PEX7: variants seen among roughly 807,000 people sequenced by gnomAD.
PEX7 encodes the protein peroxisomal biogenesis factor 7, also known as PTS2 receptor.
Under a neutral mutation model 47.5 loss-of-function variants are expected in PEX7, and 34 were observed. That is an observed-to-expected ratio of 0.72 (90% confidence interval 0.54 to 0.95). The LOEUF is 0.95. Ranked by LOEUF, PEX7 falls within the 40% of genes least tolerant of loss-of-function variation. The pLI, the probability that PEX7 is intolerant of heterozygous loss-of-function variation, is 0.00. For synonymous variants in PEX7, 141 were observed against 148.8 expected, an observed-to-expected ratio of 0.95 and a Z score of 0.38; for missense variants, 394 against 400.3, an observed-to-expected ratio of 0.98 and a Z score of 0.13.
intron 3 of PEX7, among the ~76,000 whole-genome samples, chr6:136,845,347 A>G (rs543022238): frequency 2.6e-5 from 4 of 152,346 alleles, no homozygotes; most frequent in East Asian, 1.9e-4. Flanking sequence ...TAAAATATGT[A>G]TAATTTGTTT....
intron 8 of PEX7, among the ~76,000 whole-genome samples, chr6:136,893,833 A>G (rs570625189): frequency 1.3e-5 from 2 of 152,396 alleles, no homozygotes; most frequent in South Asian, 4.1e-4. Flanking sequence ...AAGACTTACA[A>G]GTAATTCATG....
chr6:136,849,740 G>T (rs549750947), intron 5 of PEX7, among the ~76,000 whole-genome samples: 5 of 151,966 alleles, frequency 3.3e-5, no homozygotes, highest in Non-Finnish European at 5.9e-5. Flanking sequence ...ATTTCTGTTC[G>T]TTTACATTTG....
rs147626039 is a variant in PEX7 at position 136,876,667 on chromosome 6, C to T, written c.803+4414C>T. ...TCCCTGCCCCTGCAAAGGACATGAA[C>T]TCATCATTTTTTATGGCTGTATAGT... is the stretch of plus-strand genomic sequence containing the variant. On this transcript the variant is annotated intron_variant, in intron 8 of 9. Coordinates refer to ENST00000318471, the MANE Select transcript of PEX7 (RefSeq NM_000288.4). Among the ~76,000 whole-genome samples, 3 of 152,358 alleles carry T rather than the reference C, an allele frequency of 2.0e-5. No homozygotes were observed. The East Asian group carries it at 5.8e-4, about 29-fold the overall frequency.
intron 9 of PEX7, among the ~76,000 whole-genome samples, chr6:136,909,685 A>T (rs1456766555): frequency 6.6e-6 from 1 of 152,234 alleles, no homozygotes; most frequent in Non-Finnish European, 1.5e-5. Context: ...TACTATTTTC[A>T]TCAATTTGAA....
At chr6:136,837,092 C>T (rs185100017) in intron 3 of PEX7, among the ~76,000 whole-genome samples, 5 of 151,504 alleles carry the variant, frequency 3.3e-5, no homozygotes, top group South Asian at 2.1e-4. Flanking sequence ...GTTTTAGCCG[C>T]GCTTACGCCT....
intron 3 of PEX7, among the ~76,000 whole-genome samples, chr6:136,833,213 C>A (rs1226318240): frequency 6.6e-6 from 1 of 152,120 alleles, no homozygotes; most frequent in East Asian, 1.9e-4. Context: ...CAGACACCTT[C>A]TTCAGAAGGT....
chr6:136,847,857 A>C (rs562267709), intron 5 of PEX7, among the ~76,000 whole-genome samples: 2 of 152,298 alleles, frequency 1.3e-5, no homozygotes, highest in South Asian at 4.1e-4. Flanking sequence ...GGAACTTTAA[A>C]ATAGTTTTTT....
rs1775685342 is a variant in PEX7 at position 136,898,170 on chromosome 6, C to T, written c.832C>T (p.Leu278Phe). Residue 278 changes from leucine to phenylalanine, a missense_variant, in exon 9 of 10, where the codon CTT (leucine) becomes TTT (phenylalanine). Leu to Phe is a conservative substitution (Grantham distance 22). Coordinates refer to ENST00000318471, the MANE Select transcript of PEX7 (RefSeq NM_000288.4). Reference protein sequence around the residue: ...RFWNFSKPDSLLETVEHHTEF... With the variant: ...RFWNFSKPDSFLETVEHHTEF... Reference sequence around the variant, plus strand: ...CTGGAACTTTTCAAAGCCTGACTCTCTTCTTGAAACAGTGGAGCATCATAC... The same window carrying T: ...CTGGAACTTTTCAAAGCCTGACTCTTTTCTTGAAACAGTGGAGCATCATAC... 4 of 1,611,652 alleles carry T rather than the reference C, an allele frequency of 2.5e-6. No individual in the cohort carries two copies. The African/African-American group carries it at 5.3e-5, about 21-fold the overall frequency.
intron 5 of PEX7, among the ~76,000 whole-genome samples, chr6:136,861,120 T>C (rs185230911): frequency 6.9e-4 from 105 of 152,366 alleles, no homozygotes; most frequent in Admixed American, 1.7e-3. Flanking sequence ...AGTCTGGCTC[T>C]ATCACCCAGG....
At chr6:136,899,722 G>A (rs1320148824) in intron 9 of PEX7, among the ~76,000 whole-genome samples, 3 of 152,122 alleles carry the variant, frequency 2.0e-5, no homozygotes, top group South Asian at 2.1e-4. Flanking sequence ...GAGTTTAAAC[G>A]ATTCTCATTT....
At chr6:136,909,894 C>G (rs1775906395) in intron 9 of PEX7, among the ~76,000 whole-genome samples, 1 of 152,034 alleles carries the variant, frequency 6.6e-6, no homozygotes, top group Admixed American at 6.6e-5. Context: ...CACTAGAAAC[C>G]TAAGTCTTAT....
intron 8 of PEX7, among the ~76,000 whole-genome samples, chr6:136,896,860 C>T (rs1309304091): frequency 3.9e-5 from 6 of 152,144 alleles, no homozygotes; most frequent in African/African-American, 7.2e-5. Context: ...ACTTTTGCTT[C>T]TCTCAACATT....
chr6:136,899,730 T>C lies in PEX7; in HGVS notation c.903+1489T>C, dbSNP rs149766001. ...TAATTCTGAGTTTAAACGATTCTCA[T>C]TTGGTATTAGAATGTTCCCATTAAC... On this transcript the variant is annotated intron_variant, in intron 9 of 9. Transcript: ENST00000318471. Among the ~76,000 whole-genome samples, 549 of 152,290 alleles carry C rather than the reference T, an allele frequency of 3.6e-3. 1 individual carries two copies. Among genetic ancestry groups the C allele is most frequent in the South Asian group, 8.3e-3 (40 of 4,830 alleles).
chr6:136,879,442 A>G (rs765419061), intron 8 of PEX7, among the ~76,000 whole-genome samples: 4 of 152,146 alleles, frequency 2.6e-5, no homozygotes, highest in Non-Finnish European at 5.9e-5. Flanking sequence ...TGAAAATGCT[A>G]CTATGTTTTT....
In PEX7 at chr6:136,913,620, T is replaced by C; in HGVS notation, c.*94T>C. 1.1e-6 allele frequency: 1 copy of C among 876,332 alleles called. No homozygotes were observed. Among genetic ancestry groups the C allele is most frequent in the South Asian group, 1.3e-5 (1 of 75,500 alleles). 54.3% of individuals were successfully genotyped at this position (876,332 alleles called of 1,614,324 possible). ...ATGGAAAACATAGACATTATGCTTT[T>C]ATATGCTATTCAGATTTCAAATCTT... On this transcript the variant is annotated 3_prime_UTR_variant, in exon 10 of 10. Transcript: ENST00000318471.
At chr6:136,891,310 AT>A (rs1377629142) in intron 8 of PEX7, among the ~76,000 whole-genome samples, 1 of 152,180 alleles carries the variant, frequency 6.6e-6, no homozygotes, top group Non-Finnish European at 1.5e-5. Context: ...TCGATGAAAT[AT>A]TGTGATGGAC....
At chr6:136,830,549 C>G (rs180767543) in intron 3 of PEX7, among the ~76,000 whole-genome samples, 189 of 152,286 alleles carry the variant, frequency 1.2e-3, no homozygotes, top group Non-Finnish European at 1.5e-3. Context: ...TAACTGGTGT[C>G]TGCAGAGGTC....
At chr6:136,832,523 C>T (rs1385400579) in intron 3 of PEX7, among the ~76,000 whole-genome samples, 3 of 152,196 alleles carry the variant, frequency 2.0e-5, no homozygotes, top group African/African-American at 7.2e-5. Flanking sequence ...GAATTTCCCC[C>T]CAAGAAATAG....
At chr6:136,877,186 GT>G (rs367629075) in intron 8 of PEX7, among the ~76,000 whole-genome samples, 6 of 145,492 alleles carry the variant, frequency 4.1e-5, no homozygotes, top group African/African-American at 5.0e-5. Context: ...TGATGGGGTT[GT>G]TTTTTTTTTG....
Sources: allele counts gnomAD v4.1 joint callset (sites outside exome capture counted in the v4.1 genomes callset), GRCh38; gene constraint gnomAD v4.1.1; transcripts MANE v1.5; gene names NCBI Gene and HGNC (gene_info 2026-07-23, HGNC 2026-07-21).